The following SOX5 variants were observed in gnomAD, a reference collection of about 807,000 sequenced individuals.
The protein encoded by SOX5 is transcription factor SOX-5.
A neutral mutation model predicts 92.0 loss-of-function variants in SOX5; 9 were observed. The observed-to-expected ratio is 0.10, with a 90% CI of 0.06 to 0.17. The LOEUF (loss-of-function observed/expected upper bound fraction) is 0.17. Among genes scored for constraint, SOX5 ranks in the 10% least tolerant of loss-of-function variants. The pLI, the probability that SOX5 is intolerant of heterozygous loss-of-function variation, is 1.00. For missense variants in SOX5, 642 were observed against 944.5 expected, an observed-to-expected ratio of 0.68 and a Z score of 4.20; for synonymous variants, 344 against 336.3, an observed-to-expected ratio of 1.02 and a Z score of -0.25.
At chr12:23,943,796 T>A (rs766480054) in intron 1 of SOX5, among the ~76,000 whole-genome samples, 1 of 152,124 alleles carries the variant, frequency 6.6e-6, no homozygotes, top group Non-Finnish European at 1.5e-5. Flanking sequence ...TCTACAAGCT[T>A]TTGTTTTAAA....
chr12:23,942,358 T>TAAAAAC (rs200632356), intron 1 of SOX5, among the ~76,000 whole-genome samples: 6 of 151,680 alleles, frequency 4.0e-5, no homozygotes, highest in Admixed American at 3.3e-4. Context: ...GTACTTAATA[T>TAAAAAC]AAAAACAAAA....
At chr12:23,547,945 A>G (rs1943455753) in intron 11 of SOX5, among the ~76,000 whole-genome samples, 1 of 152,092 alleles carries the variant, frequency 6.6e-6, no homozygotes, top group Non-Finnish European at 1.5e-5. Context: ...AGGAGCATCA[A>G]GGACACCAGC....
At chr12:24,293,697 A>G (rs1476407276) in intron 2 of SOX5, among the ~76,000 whole-genome samples, 1 of 152,184 alleles carries the variant, frequency 6.6e-6, no homozygotes, top group Non-Finnish European at 1.5e-5. Flanking sequence ...AGGATTGTAA[A>G]GATTTGCTGA....
intron 2 of SOX5, among the ~76,000 whole-genome samples, chr12:23,894,134 A>C (rs527651077): frequency 6.6e-6 from 1 of 152,320 alleles, no homozygotes; most frequent in African/African-American, 2.4e-5. Context: ...TCACTGAATT[A>C]CTGTGAAGGT....
rs76512429 is a variant in SOX5 at position 24,243,330 on chromosome 12, G to A, written c.-76-29913C>T. On this transcript the variant is annotated intron_variant, in intron 3 of 4. Coordinates refer to the SOX5 transcript ENST00000446891. ...TAAAGTTGCATTTGTTTCATAGTGT[G>A]TATAGTGTTTAAAGTGTGTTTTTCT... Among the ~76,000 whole-genome samples, 1,344 of 152,228 alleles carry A rather than the reference G, an allele frequency of 8.8e-3. 25 individuals are homozygous for A. Among genetic ancestry groups the A allele is most frequent in the African/African-American group, 0.031 (1,279 of 41,556 alleles).
chr12:24,434,837 C>G (rs556970040), intron 1 of SOX5, among the ~76,000 whole-genome samples: 1 of 152,310 alleles, frequency 6.6e-6, no homozygotes, highest in East Asian at 1.9e-4. Flanking sequence ...CCTGCAGAAC[C>G]GTGAACCAAT....
chr12:23,842,257 T>G (rs184149836), intron 3 of SOX5, among the ~76,000 whole-genome samples: 40 of 152,170 alleles, frequency 2.6e-4, no homozygotes, highest in Non-Finnish European at 1.6e-4. Context: ...TTATATAAAT[T>G]AATGGTGGTT....
At chr12:24,210,047 GAAAT>G (rs1958439032) in intron 4 of SOX5, among the ~76,000 whole-genome samples, 1 of 76,142 alleles carries the variant, frequency 1.3e-5, no homozygotes, top group African/African-American at 5.2e-5. Context: ...AAAAAAAAAA[GAAAT>G]AATCCTTCCT....
rs1221012836 is a variant in SOX5 at position 24,355,282 on chromosome 12, C to CAATTT, written c.-174+13280_-174+13281insAAATT. Among the ~76,000 whole-genome samples the CAATTT allele has an allele frequency of 5.8e-3, 417 of 71,928 alleles. 11 individuals carry two copies. Among genetic ancestry groups the CAATTT allele is most frequent in the Non-Finnish European group, 6.8e-3 (297 of 43,376 alleles). 47.2% of individuals were successfully genotyped at this position (71,928 alleles called of 152,430 possible). Reference sequence around the variant, plus strand: ...TTAGCAGGTGTGGTGAGGGGTGCATCTTTTTTTTTTTTTTTTTTTTTTTTT... The same window carrying CAATTT: ...TTAGCAGGTGTGGTGAGGGGTGCATCAATTTTTTTTTTTTTTTTTTTTTTTTTTTT... On this transcript the variant is annotated intron_variant, in intron 2 of 4. Coordinates refer to the SOX5 transcript ENST00000446891.
intron 1 of SOX5, among the ~76,000 whole-genome samples, chr12:24,523,747 A>G (rs1402831536): frequency 6.6e-6 from 1 of 152,180 alleles, no homozygotes; most frequent in Non-Finnish European, 1.5e-5. Flanking sequence ...TCAACTCAAA[A>G]TGGCATGCAA....
intron 4 of SOX5, among the ~76,000 whole-genome samples, chr12:24,193,448 G>T (rs1956718430): frequency 6.6e-6 from 1 of 152,160 alleles, no homozygotes; most frequent in African/African-American, 2.4e-5. Context: ...AGAAACATTT[G>T]CTATCCTTGG....
At chr12:24,432,321 G>A (rs941229209) in intron 1 of SOX5, among the ~76,000 whole-genome samples, 1 of 152,164 alleles carries the variant, frequency 6.6e-6, no homozygotes, top group African/African-American at 2.4e-5. Flanking sequence ...TGGAGTTCTT[G>A]TAAGGAGTCC....
chr12:23,584,685 G>A, intron 9 of SOX5: 1 of 1,017,116 alleles, frequency 9.8e-7, no homozygotes, highest in Non-Finnish European at 1.5e-6. Flanking sequence ...GATGAGTGAA[G>A]GCCAAATTGT....
intron 1 of SOX5, among the ~76,000 whole-genome samples, chr12:24,463,816 A>AT (rs1236286641): frequency 6.6e-6 from 1 of 152,098 alleles, no homozygotes; most frequent in African/African-American, 2.4e-5. Flanking sequence ...GTCAGACGTA[A>AT]TTTTTTATTT....
chr12:24,317,183 C>G (rs1457663527), intron 2 of SOX5, among the ~76,000 whole-genome samples: 1 of 152,120 alleles, frequency 6.6e-6, no homozygotes, highest in Non-Finnish European at 1.5e-5. Flanking sequence ...AAAATATGCT[C>G]TAAGTATTAT....
rs533553208 is a variant in SOX5 at position 24,001,013 on chromosome 12, T to C, written c.-1-104989A>G. Among the ~76,000 whole-genome samples, 8 of 152,280 alleles carry C rather than the reference T, an allele frequency of 5.3e-5. No individual in the cohort carries two copies. The East Asian group carries it at 1.4e-3, about 26-fold the overall frequency. ...TCAAGAATACATGGAGCATTCTCCA[T>C]GATACATCATATGGTAAGCCATAAA... On this transcript the variant is annotated intron_variant, in intron 4 of 4. Coordinates refer to the SOX5 transcript ENST00000446891.
intron 3 of SOX5, among the ~76,000 whole-genome samples, chr12:23,804,202 G>T (rs1012261586): frequency 6.6e-6 from 1 of 152,058 alleles, no homozygotes; most frequent in African/African-American, 2.4e-5. Context: ...AAGGAATAGA[G>T]TAAAATACAA....
intron 4 of SOX5, among the ~76,000 whole-genome samples, chr12:24,139,921 C>T (rs904257569): frequency 2.0e-5 from 3 of 152,080 alleles, no homozygotes; most frequent in Non-Finnish European, 4.4e-5. Flanking sequence ...TGAATACGTG[C>T]ACCGTCATCA....
intron 4 of SOX5, among the ~76,000 whole-genome samples, chr12:24,044,382 C>T (rs932691634): frequency 6.6e-6 from 1 of 152,164 alleles, no homozygotes; most frequent in African/African-American, 2.4e-5. Flanking sequence ...CAAAATATTG[C>T]TGCCTTTTCT....
Sources: allele counts gnomAD v4.1 joint callset (sites outside exome capture counted in the v4.1 genomes callset), GRCh38; gene constraint gnomAD v4.1.1; transcripts MANE v1.5; gene names NCBI Gene and HGNC (gene_info 2026-07-23, HGNC 2026-07-21).